The following CYP4F3 variants were observed in gnomAD, a reference collection of about 807,000 sequenced individuals.
CYP4F3 encodes the protein cytochrome P450 4F3.
In CYP4F3, 50 loss-of-function variants were observed where a neutral mutation model predicts 54.8. That is an observed-to-expected ratio of 0.91 (90% CI 0.73 to 1.16). CYP4F3 has a LOEUF of 1.16. CYP4F3 is among the 50% of genes most tolerant of loss of function. CYP4F3 has a pLI of 0.00. For synonymous variants in CYP4F3, 244 were observed against 262.6 expected, an observed-to-expected ratio of 0.93 and a Z score of 0.69; for missense variants, 715 against 676.2, an observed-to-expected ratio of 1.06 and a Z score of -0.64.
chr19:15,661,314 C>G lies in CYP4F3; in HGVS notation c.*1929C>G, dbSNP rs1394806894. ...AAAACAAAACAAAAACAAAACAAAA[C>G]AAAACAAAACACTGCCAAACTGTTT... On this transcript the variant is annotated 3_prime_UTR_variant, in exon 13 of 13. Transcript: ENST00000221307. 1.3e-5 allele frequency: 2 copies of G among 151,504 alleles called. No homozygotes were observed. The highest frequency in any genetic ancestry group is 2.9e-5 in the Non-Finnish European group (2 of 68,026). The allele number at this position is 151,504 out of a possible 1,614,324, so 9.4% of individuals were successfully genotyped here.
intron 6 of CYP4F3, 98 bp from the exon 7 acceptor site, chr19:15,649,815 T>G: frequency 2.0e-6 from 3 of 1,521,664 alleles, no homozygotes; most frequent in African/African-American, 1.4e-5. Context: ...GGATACCCCG[T>G]TTACTGATAG....
Position 15,650,147 on chromosome 19 carries a change from G to C in CYP4F3, c.882G>C (p.Lys294Asn). ...TCCTCCAAGCCAAGGCCAAATCCAA[G>C]ACTTTGGACTTCATTGATGTACTCC... is the stretch of plus-strand genomic sequence containing the variant. ...DDFLQAKAKS[K>N]TLDFIDVLLL... is the part of the protein sequence containing the mutation. The change falls in exon 7 of 13, where the codon AAG becomes AAC. Residue 294 changes from lysine (K) to asparagine (N), a missense_variant. Coordinates refer to ENST00000221307, the MANE Select transcript of CYP4F3 (RefSeq NM_000896.3). 1 of 1,614,216 alleles carries C rather than the reference G, an allele frequency of 6.2e-7. No homozygotes were observed. The highest frequency in any genetic ancestry group is 8.5e-7 in the Non-Finnish European group (1 of 1,180,046).
In CYP4F3 at chr19:15,641,328, G is replaced by C. The variant is rs543648536; in HGVS notation, c.-1-87G>C. ...TACTGTTCTATCTCCAGCACTGCCC[G>C]TCTCTGCCTCTCTCCACTGTCCCTG... is the stretch of plus-strand genomic sequence containing the variant. On this transcript the variant is annotated intron_variant, in intron 1 of 12. Coordinates refer to ENST00000221307, the MANE Select transcript of CYP4F3 (RefSeq NM_000896.3). 3 of 1,506,224 alleles carry C rather than the reference G, an allele frequency of 2.0e-6. No individual in the cohort carries two copies. In the African/African-American group the frequency reaches 4.2e-5, roughly 21 times the overall value. The allele number at this position is 1,506,224 out of a possible 1,614,324, so 93.3% of individuals were successfully genotyped here. A position where few individuals can be genotyped will look rare whatever the true frequency, so the allele number is the denominator to read the frequency against.
chr19:15,652,557 C>A lies in CYP4F3; in HGVS notation c.919-12C>A. 6.2e-7 allele frequency: 1 copy of A among 1,614,012 alleles called. No homozygotes were observed. Among genetic ancestry groups the A allele is most frequent in the Admixed American group, 1.7e-5 (1 of 60,006 alleles). On this transcript the variant is annotated splice_polypyrimidine_tract_variant and intron_variant, in intron 7 of 12. Transcript: ENST00000221307. ...TGGGGGTGGGGGTGGGGGGTTATTG[C>A]CTTCTCTCCAGGATGAAGATGGGAA...
chr19:15,648,614 G>A (rs376914621), intron 5 of CYP4F3, among the ~76,000 whole-genome samples: 2 of 152,242 alleles, frequency 1.3e-5, no homozygotes, highest in South Asian at 2.1e-4. Context: ...AACATTTATT[G>A]AGAACTCACA....
intron 6 of CYP4F3, among the ~76,000 whole-genome samples, 192 bp downstream of exon 6, chr19:15,649,473 T>C (rs1477278286): frequency 6.6e-6 from 1 of 152,066 alleles, no homozygotes; most frequent in Non-Finnish European, 1.5e-5. Context: ...AACTGGTGGG[T>C]GTGGTCAAAG....
At chr19:15,642,086 C>T (rs2052828771) in intron 2 of CYP4F3, among the ~76,000 whole-genome samples, 2 of 152,188 alleles carry the variant, frequency 1.3e-5, no homozygotes, top group East Asian at 1.9e-4. Flanking sequence ...TCTTGTTCCT[C>T]CCCAGTAAGA....
chr19:15,648,255 A>G (rs578142815), intron 5 of CYP4F3, among the ~76,000 whole-genome samples: 8 of 152,216 alleles, frequency 5.3e-5, no homozygotes, highest in Non-Finnish European at 1.2e-4. Flanking sequence ...AGAGAGCAGC[A>G]TGTGTTGCTT....
chr19:15,661,036 A>C lies in CYP4F3; in HGVS notation c.*1651A>C, dbSNP rs1378765105. 10 of 152,084 alleles carry C rather than the reference A, an allele frequency of 6.6e-5. No individual in the cohort carries two copies. The highest frequency in any genetic ancestry group is 4.6e-4 in the Admixed American group (7 of 15,268). The allele number at this position is 152,084 out of a possible 1,614,324, so 9.4% of individuals were successfully genotyped here. A position where few individuals can be genotyped will look rare whatever the true frequency, so the allele number is the denominator to read the frequency against. ...TAGTTTGTTATCATGTTATACGTACACTTAGAATAATGATCCAGCCATCTC... is the reference window on the plus strand; with the variant it reads ...TAGTTTGTTATCATGTTATACGTACCCTTAGAATAATGATCCAGCCATCTC... On this transcript the variant is annotated 3_prime_UTR_variant, in exon 13 of 13. Transcript: ENST00000221307.
rs1140855 is a variant in CYP4F3 at position 15,659,890 on chromosome 19, C to T, written c.*505C>T. 21,200 of 153,298 alleles carry T rather than the reference C, an allele frequency of 0.14. 1,773 individuals are homozygous for T. Among genetic ancestry groups the T allele is most frequent in the Middle Eastern group, 0.22 (65 of 290 alleles). The allele number at this position is 153,298 out of a possible 1,614,324, so 9.5% of individuals were successfully genotyped here. ...GCGACTGCTAATCAGGATGGGGTTTCCTCCTGGGATGGTGAAAATGTTCCG... is the reference window on the plus strand; with the variant it reads ...GCGACTGCTAATCAGGATGGGGTTTTCTCCTGGGATGGTGAAAATGTTCCG... On this transcript the variant is annotated 3_prime_UTR_variant, in exon 13 of 13. Transcript: ENST00000221307.
In CYP4F3 at chr19:15,661,912, G is replaced by A. The variant is rs28738976; in HGVS notation, c.*2527G>A. 6.6e-6 allele frequency: 1 copy of A among 152,038 alleles called. No individual in the cohort carries two copies. The highest frequency in any genetic ancestry group is 2.4e-5 in the African/African-American group (1 of 41,372). 9.4% of individuals were successfully genotyped at this position (152,038 alleles called of 1,614,324 possible). A position where few individuals can be genotyped will look rare whatever the true frequency, so the allele number is the denominator to read the frequency against. ...TCCATTTAGTTAAATTTTGTATGGG[G>A]TGTGAACTGTGGTTTGACTGTTTTC... On this transcript the variant is annotated 3_prime_UTR_variant, in exon 13 of 13. Coordinates refer to ENST00000221307, the MANE Select transcript of CYP4F3 (RefSeq NM_000896.3).
chr19:15,650,660 T>TTTTTC (rs1972770641), intron 7 of CYP4F3, among the ~76,000 whole-genome samples: 1 of 35,610 alleles, frequency 2.8e-5, no homozygotes, highest in Non-Finnish European at 5.2e-5. Flanking sequence ...CCTGCCTTCT[T>TTTTTC]TTTCTTTCTT....
At chr19:15,644,773 C>G (rs959657579) in intron 2 of CYP4F3, among the ~76,000 whole-genome samples, 2 of 152,198 alleles carry the variant, frequency 1.3e-5, no homozygotes, top group African/African-American at 4.8e-5. Context: ...TCTCCTTGAC[C>G]CCTGTGCTTC....
rs1375527939 is a variant in CYP4F3, at chr19:15,641,217, A to T, written c.-1-198A>T. On this transcript the variant is annotated intron_variant, in intron 1 of 12. Transcript: ENST00000221307. ...TTCTCAATCTAAGTGCTTACCGGGT[A>T]ACTGGAGGCCACTTGGTTGCTGGTT... 6 of 611,956 alleles carry T rather than the reference A, an allele frequency of 9.8e-6. No homozygotes were observed. The East Asian group carries it at 1.7e-4, about 17-fold the overall frequency. The allele number at this position is 611,956 out of a possible 1,614,324, so 37.9% of individuals were successfully genotyped here.
intron 5 of CYP4F3, among the ~76,000 whole-genome samples, chr19:15,647,532 A>G (rs1972667246): frequency 6.6e-6 from 1 of 152,356 alleles, no homozygotes; most frequent in Middle Eastern, 3.4e-3. Context: ...GTAGGTGCCC[A>G]GAAGGTGTCT....
rs562694784 is a variant in CYP4F3, at chr19:15,659,117, A to C, written c.1398-103A>C. The C allele has an allele frequency of 5.4e-4, 761 of 1,411,740 alleles. 1 individual carries two copies. The highest frequency in any genetic ancestry group is 6.3e-4 in the Non-Finnish European group (657 of 1,049,948). The allele number at this position is 1,411,740 out of a possible 1,614,324, so 87.5% of individuals were successfully genotyped here. A position where few individuals can be genotyped will look rare whatever the true frequency, so the allele number is the denominator to read the frequency against. On this transcript the variant is annotated intron_variant, in intron 12 of 12. Transcript: ENST00000221307. ...CGGATACCCCCTTCTCTGTTCCTCA[A>C]ACTGCTCTAGGTGGGGTTGGGTGTC...
In CYP4F3 at chr19:15,649,196, C is replaced by T. The variant is rs749100102; in HGVS notation, c.562C>T (p.Arg188Cys). Reference sequence around the variant, plus strand: ...GCTCCTGGCCTCAGAGGGTAGTGCCCGTCTGGACATGTTTGAGCACATCAG... The same window carrying T: ...GCTCCTGGCCTCAGAGGGTAGTGCCTGTCTGGACATGTTTGAGCACATCAG... ...WQLLASEGSA[R>C]LDMFEHISLM... Residue 188 changes from arginine to cysteine, a missense_variant, in exon 6 of 13, where the codon CGT becomes TGT. Physicochemically the swap from Arg to Cys is radical, Grantham distance 180. Coordinates refer to ENST00000221307, the MANE Select transcript of CYP4F3 (RefSeq NM_000896.3). 12 of 1,613,294 alleles carry T rather than the reference C, an allele frequency of 7.4e-6. No homozygotes were observed. Among genetic ancestry groups the T allele is most frequent in the African/African-American group, 2.7e-5 (2 of 74,884 alleles).
chr19:15,647,475 T>TA, intron 5 of CYP4F3, 151 bp downstream of exon 5: 1 of 1,357,898 alleles, frequency 7.4e-7, no homozygotes. Context: ...AATCCCTACT[T>TA]AAAAGAAGGT....
intron 5 of CYP4F3, 38 bp downstream of exon 5, chr19:15,647,362 TG>T (rs1972661570): frequency 6.2e-7 from 1 of 1,613,004 alleles, no homozygotes; most frequent in African/African-American, 1.3e-5. Context: ...CTGCAGCCTT[TG>T]GTTGGGGGGA....
Sources: gnomAD v4.1 joint callset for allele counts (sites outside exome capture counted in the v4.1 genomes callset) on GRCh38, gnomAD v4.1.1 for gene constraint, MANE v1.5 for transcripts, NCBI Gene and HGNC (gene_info 2026-07-23, HGNC 2026-07-21) for gene names.